The following CYP27C1 variants were observed in gnomAD, a reference collection of about 807,000 sequenced individuals.
CYP27C1 encodes the protein cytochrome P450 family 27 subfamily C member 1, also known as cytochrome P450 27C1.
In CYP27C1, 29 loss-of-function variants were observed where a neutral mutation model predicts 40.6. The observed-to-expected ratio is 0.71, with a 90% CI of 0.53 to 0.97. The LOEUF (loss-of-function observed/expected upper bound fraction) is 0.97. CYP27C1 is among the 50% of genes least tolerant of loss of function. The probability of loss-of-function intolerance (pLI) is 0.00; values close to 1 mark genes in which losing one functional copy is unlikely to be tolerated. For synonymous variants in CYP27C1, 198 were observed against 186.8 expected (o/e 1.06, Z -0.49); for missense variants, 390 against 485.8 (o/e 0.80, Z 1.85).
intron 2 of CYP27C1, 75 bp downstream of exon 2, chr2:127,205,825 C>T: frequency 1.1e-6 from 1 of 929,128 alleles, no homozygotes; most frequent in Non-Finnish European, 1.3e-6. Context: ...CTTTTAGGAA[C>T]TCAGCTTTGG....
chr2:127,209,160 T>C lies in CYP27C1; in HGVS notation c.283-3070A>G, dbSNP rs143275217. The stretch of plus-strand genomic sequence containing the variant: ...CAGAAGAAGGAGCAGGCACCCATCA[T>C]TGCTGCACTTCAGCCTCCTTGAGTG... On this transcript the variant is annotated intron_variant, in intron 1 of 8. Coordinates refer to ENST00000664447, the MANE Select transcript of CYP27C1 (RefSeq NM_001367502.1). This position sits in a 1 kb window ranked among gnomAD's most constrained non-coding sequence, Gnocchi z 4.1. Among the ~76,000 whole-genome samples the C allele has an allele frequency of 4.1e-3, 622 of 152,290 alleles. 3 individuals carry two copies. Among genetic ancestry groups the C allele is most frequent in the African/African-American group, 0.014 (585 of 41,554 alleles).
intron 8 of CYP27C1, among the ~76,000 whole-genome samples, chr2:127,188,994 G>C (rs1011104781): frequency 6.6e-6 from 1 of 152,116 alleles, no homozygotes; most frequent in Non-Finnish European, 1.5e-5. Flanking sequence ...GACCCCTCGT[G>C]CTGACCTCTC....
intron 1 of CYP27C1, among the ~76,000 whole-genome samples, chr2:127,206,891 G>A (rs868484298): frequency 6.6e-6 from 1 of 152,180 alleles, no homozygotes; most frequent in Non-Finnish European, 1.5e-5. Flanking sequence ...GGCAGATGAC[G>A]TGATCTCACA....
chr2:127,198,947 G>A (rs576240262), intron 5 of CYP27C1, among the ~76,000 whole-genome samples: 2 of 152,330 alleles, frequency 1.3e-5, no homozygotes, highest in South Asian at 4.1e-4. Flanking sequence ...CAGTGCAGCA[G>A]GCCTAGTACA....
chr2:127,212,009 A>T (rs1683347957), intron 1 of CYP27C1, among the ~76,000 whole-genome samples: 1 of 152,198 alleles, frequency 6.6e-6, no homozygotes, highest in Admixed American at 6.5e-5. Flanking sequence ...CCACAGAAAC[A>T]CAAACTACCA....
chr2:127,194,470 T>C (rs1396975846), intron 6 of CYP27C1, among the ~76,000 whole-genome samples: 2 of 152,190 alleles, frequency 1.3e-5, no homozygotes, highest in Admixed American at 1.3e-4. Flanking sequence ...GAGGATGCCG[T>C]GTTTGGGGGA....
At chr2:127,192,417 G>T (rs1682800391) in intron 8 of CYP27C1, among the ~76,000 whole-genome samples, 1 of 152,120 alleles carries the variant, frequency 6.6e-6, no homozygotes, top group African/African-American at 2.4e-5. Context: ...TTTCCTTCAG[G>T]TGTTATTTAG....
intron 8 of CYP27C1, among the ~76,000 whole-genome samples, chr2:127,192,583 C>T (rs1269960344): frequency 6.6e-6 from 1 of 150,894 alleles, no homozygotes; most frequent in Non-Finnish European, 1.5e-5. Flanking sequence ...GTCAGTTAAA[C>T]AAAGGAGACC....
intron 1 of CYP27C1, among the ~76,000 whole-genome samples, chr2:127,214,945 G>C (rs866553038): frequency 2.6e-5 from 4 of 151,356 alleles, no homozygotes; most frequent in South Asian, 4.2e-4. Context: ...TGGCTAACAC[G>C]AGGAAACCCC....
chr2:127,191,802 TCA>T (rs1000572324), intron 8 of CYP27C1, among the ~76,000 whole-genome samples: 2 of 152,138 alleles, frequency 1.3e-5, no homozygotes, highest in Admixed American at 1.3e-4. Flanking sequence ...GAGCTGCCAC[TCA>T]CATACTCCCA....
intron 2 of CYP27C1, among the ~76,000 whole-genome samples, chr2:127,204,535 A>AAGAAAGAG (rs1558931272): frequency 1.7e-4 from 8 of 46,946 alleles, no homozygotes; most frequent in African/African-American, 4.4e-4. Flanking sequence ...GAAAGAAAGA[A>AAGAAAGAG]AGAGAGAGAG....
Position 127,199,472 on chromosome 2 carries a change from G to A in CYP27C1, c.951C>T (p.Ser317=), listed in dbSNP as rs200735446. Residue 317 remains serine (S), a synonymous_variant, in exon 5 of 9, where the codon AGC becomes AGT. Coordinates refer to ENST00000664447, the MANE Select transcript of CYP27C1 (RefSeq NM_001367502.1). ...GGAAGAGGTATGTGAGAAGTCCCCCGCTCACCCTCCGGCCTCGGTCCATTT... is the reference window on the plus strand; with the variant it reads ...GGAAGAGGTATGTGAGAAGTCCCCCACTCACCCTCCGGCCTCGGTCCATTT... The part of the protein sequence containing the change: ...QYQMDRGRRV[S]GGLLTYLFLS... The A allele has an allele frequency of 7.8e-5, 126 of 1,614,164 alleles. No homozygotes were observed. In the Admixed American group the frequency reaches 1.3e-3, roughly 17 times the overall value.
At chr2:127,194,642 A>G (rs1275901801) in intron 6 of CYP27C1, among the ~76,000 whole-genome samples, 1 of 152,182 alleles carries the variant, frequency 6.6e-6, no homozygotes, top group Admixed American at 6.5e-5. Flanking sequence ...CATTCACTCA[A>G]GAACCATGAG....
chr2:127,207,202 A>C (rs1334933605), intron 1 of CYP27C1, among the ~76,000 whole-genome samples: 1 of 152,066 alleles, frequency 6.6e-6, no homozygotes, highest in Non-Finnish European at 1.5e-5. Context: ...CTGTCTCTAA[A>C]AAAAATACAT....
chr2:127,204,031 A>C (rs538826167), intron 2 of CYP27C1, among the ~76,000 whole-genome samples: 162 of 151,906 alleles, frequency 1.1e-3, no homozygotes, highest in African/African-American at 3.7e-3. Flanking sequence ...TTAGGAGGCC[A>C]AGATGGGTGG....
intron 5 of CYP27C1, among the ~76,000 whole-genome samples, chr2:127,197,939 T>C (rs1474947859): frequency 1.3e-5 from 2 of 152,050 alleles, no homozygotes; most frequent in Non-Finnish European, 2.9e-5. Context: ...CACGCGCTGC[T>C]CTGTGTTCGC....
At chr2:127,193,416 G>A in intron 7 of CYP27C1, 119 bp from the exon 8 acceptor site, 1 of 1,165,064 alleles carries the variant, frequency 8.6e-7, no homozygotes, top group Admixed American at 2.1e-5. Flanking sequence ...GGCCGCCCGG[G>A]TCCACTCACA....
intron 5 of CYP27C1, among the ~76,000 whole-genome samples, chr2:127,198,928 G>GC (rs1682967381): frequency 6.6e-6 from 1 of 152,140 alleles, no homozygotes. Flanking sequence ...TCCTCCTGGA[G>GC]CCCCCCAGCA....
At chr2:127,214,861 G>A (rs1683400075) in intron 1 of CYP27C1, among the ~76,000 whole-genome samples, 1 of 148,556 alleles carries the variant, frequency 6.7e-6, no homozygotes, top group South Asian at 2.1e-4. Flanking sequence ...GGGCGCAGTG[G>A]CTCACGCCTG....
Sources: gnomAD v4.1 joint callset for allele counts (sites outside exome capture counted in the v4.1 genomes callset) on GRCh38, gnomAD v4.1.1 for gene constraint, Gnocchi (gnomAD v3.1) non-coding constraint, MANE v1.5 for transcripts, NCBI Gene and HGNC (gene_info 2026-07-23, HGNC 2026-07-21) for gene names.